Variants in ZNF438 observed in about 807,000 individuals in gnomAD.
ZNF438 encodes zinc finger protein 438.
In ZNF438, 25 loss-of-function variants were observed where a neutral mutation model predicts 38.0. The observed-to-expected ratio is 0.66, with a 90% CI of 0.48 to 0.92. The LOEUF is 0.92. ZNF438 is among the 40% of genes least tolerant of loss of function. ZNF438 has a pLI of 0.00. For synonymous variants in ZNF438, 372 were observed against 364.1 expected (o/e 1.02, Z -0.25); for missense variants, 1,007 against 999.6 (o/e 1.01, Z -0.10).
At chr10:30,996,016 G>C (rs1389207172) in intron 1 of ZNF438, among the ~76,000 whole-genome samples, 1 of 152,132 alleles carries the variant, frequency 6.6e-6, no homozygotes, top group Non-Finnish European at 1.5e-5. Flanking sequence ...TTTGCTGAAA[G>C]TAAGTATAAA....
At chr10:30,877,642 A>G (rs1279475565) in intron 3 of ZNF438, among the ~76,000 whole-genome samples, 1 of 152,232 alleles carries the variant, frequency 6.6e-6, no homozygotes, top group African/African-American at 2.4e-5. Flanking sequence ...ATGTCAATAT[A>G]TAAATTTACA....
chr10:30,932,353 C>CT (rs2045788706), intron 2 of ZNF438, among the ~76,000 whole-genome samples: 1 of 152,116 alleles, frequency 6.6e-6, no homozygotes. Flanking sequence ...ACTGGTACTC[C>CT]TTGTATACAT....
chr10:30,980,199 G>A (rs938562373), intron 1 of ZNF438, among the ~76,000 whole-genome samples: 13 of 151,188 alleles, frequency 8.6e-5, no homozygotes, highest in Admixed American at 1.3e-4. Context: ...TCCTGTGTGT[G>A]CTGGGTAGCC....
chr10:30,884,731 T>C (rs2039724328), intron 3 of ZNF438, among the ~76,000 whole-genome samples: 1 of 152,154 alleles, frequency 6.6e-6, no homozygotes, highest in African/African-American at 2.4e-5. Flanking sequence ...TTAAAGAGAG[T>C]TGATTAAAAA....
At chr10:31,001,201 T>C (rs1277136328) in intron 1 of ZNF438, among the ~76,000 whole-genome samples, 2 of 152,208 alleles carry the variant, frequency 1.3e-5, no homozygotes, top group Admixed American at 6.5e-5. Flanking sequence ...TGGCAGATGG[T>C]AGATACTCAA....
At position 30,881,032 on chromosome 10, in the gene ZNF438, T is replaced by C. The variant is rs182849542; in HGVS notation, c.-31-3967A>G. ...TATGAGAAACCTAAAGCTAAAATCA[T>C]GCTAAATAATGAAAGACTGAATGCT... On this transcript the variant is annotated intron_variant, in intron 3 of 5. Transcript: ENST00000413025. 1.1e-3 allele frequency among the ~76,000 whole-genome samples: 175 copies of C among 152,266 alleles called. 1 individual carries two copies. Among genetic ancestry groups the C allele is most frequent in the African/African-American group, 4.0e-3 (167 of 41,588 alleles).
At chr10:31,025,969 A>G (rs1001632124) in intron 1 of ZNF438, among the ~76,000 whole-genome samples, 12 of 152,218 alleles carry the variant, frequency 7.9e-5, no homozygotes, top group Admixed American at 1.3e-4. Context: ...TAGAATTTTG[A>G]CAAAAACAAG....
At chr10:31,020,861 G>A (rs2056543320) in intron 1 of ZNF438, among the ~76,000 whole-genome samples, 1 of 151,528 alleles carries the variant, frequency 6.6e-6, no homozygotes, top group Non-Finnish European at 1.5e-5. Flanking sequence ...CTATCATACA[G>A]GTCAGAAATT....
chr10:31,009,782 G>C (rs1051642781), intron 1 of ZNF438, among the ~76,000 whole-genome samples: 2 of 151,416 alleles, frequency 1.3e-5, no homozygotes, highest in Non-Finnish European at 2.9e-5. Flanking sequence ...TGTGGCCTAG[G>C]ACAACCTTGT....
At chr10:30,959,565 C>T (rs1377907443) in intron 1 of ZNF438, among the ~76,000 whole-genome samples, 8 of 129,498 alleles carry the variant, frequency 6.2e-5, no homozygotes, top group African/African-American at 2.2e-4. Context: ...GGTGAAACCC[C>T]GTCTCTACTA....
chr10:30,952,353 T>C (rs1229043846), intron 1 of ZNF438, among the ~76,000 whole-genome samples: 2 of 151,826 alleles, frequency 1.3e-5, no homozygotes, highest in Non-Finnish European at 2.9e-5. Flanking sequence ...AAGGACTTCA[T>C]GTCTAAAACA....
chr10:31,005,513 G>GA (rs1439616300), intron 1 of ZNF438, among the ~76,000 whole-genome samples: 2 of 152,178 alleles, frequency 1.3e-5, no homozygotes, highest in Non-Finnish European at 2.9e-5. Context: ...GGACGGGGGA[G>GA]AAAATGTGAA....
At chr10:30,951,942 A>C (rs1361942515) in intron 1 of ZNF438, among the ~76,000 whole-genome samples, 1 of 151,718 alleles carries the variant, frequency 6.6e-6, no homozygotes, top group Admixed American at 6.6e-5. Context: ...CGCATTGCCA[A>C]GTCAATCCTA....
intron 3 of ZNF438, among the ~76,000 whole-genome samples, chr10:30,897,005 G>A (rs1388648430): frequency 6.6e-6 from 1 of 152,062 alleles, no homozygotes; most frequent in East Asian, 1.9e-4. Flanking sequence ...CCAGGCATGT[G>A]CTCAACTGTA....
chr10:30,995,862 C>T (rs549901489), intron 1 of ZNF438, among the ~76,000 whole-genome samples: 20 of 152,196 alleles, frequency 1.3e-4, no homozygotes, highest in African/African-American at 4.8e-4. Context: ...ACTATAAATA[C>T]GTACTTGCTC....
chr10:31,024,776 G>T (rs192059420), intron 1 of ZNF438, among the ~76,000 whole-genome samples: 1 of 152,308 alleles, frequency 6.6e-6, no homozygotes, highest in Admixed American at 6.5e-5. Context: ...TTTATGGGCT[G>T]TTTGTAACAA....
At chr10:30,964,452 A>G (rs1476509981) in intron 1 of ZNF438, among the ~76,000 whole-genome samples, 2 of 152,210 alleles carry the variant, frequency 1.3e-5, no homozygotes, top group African/African-American at 4.8e-5. Context: ...TTCGTTGAGA[A>G]GTCTAGGACA....
chr10:30,884,913 A>G (rs1396455682), intron 3 of ZNF438, among the ~76,000 whole-genome samples: 2 of 152,262 alleles, frequency 1.3e-5, no homozygotes, highest in East Asian at 3.8e-4. Context: ...AGAGAATAAC[A>G]GAAAATAATT....
intron 1 of ZNF438, among the ~76,000 whole-genome samples, chr10:30,953,642 A>G (rs1589398010): frequency 8.6e-6 from 1 of 116,648 alleles, no homozygotes; most frequent in Admixed American, 9.3e-5. Context: ...ATAATAATAA[A>G]AAAAAAAACA....
Sources: gnomAD v4.1 joint callset for allele counts (sites outside exome capture counted in the v4.1 genomes callset) on GRCh38, gnomAD v4.1.1 for gene constraint, MANE v1.5 for transcripts, NCBI Gene and HGNC (gene_info 2026-07-23, HGNC 2026-07-21) for gene names.